The following SYNPO2L variants were observed in gnomAD, a reference collection of about 807,000 sequenced individuals.
SYNPO2L encodes the protein synaptopodin 2-like protein.
A neutral mutation model predicts 47.5 loss-of-function variants in SYNPO2L; 34 were observed. The observed-to-expected ratio is 0.72, with a 90% CI of 0.54 to 0.95. The LOEUF is 0.95. Ranked by LOEUF, SYNPO2L falls within the 40% of genes least tolerant of loss-of-function variation. SYNPO2L has a pLI of 0.00. For synonymous variants in SYNPO2L, 536 were observed against 524.9 expected, an observed-to-expected ratio of 1.02 and a Z score of -0.29; for missense variants, 1,246 against 1,282.0, an observed-to-expected ratio of 0.97 and a Z score of 0.43.
Position 73,654,295 on chromosome 10 carries a change from G to T in SYNPO2L, c.106-15C>A, listed in dbSNP as rs1243518137. The T allele has an allele frequency of 2.6e-6, 4 of 1,551,402 alleles. No homozygotes were observed. The highest frequency in any genetic ancestry group is 1.7e-4 in the Middle Eastern group (1 of 5,830). ...CGTCTTCGAATCTGAGATGTTGAAGGAGACACTGTAGGTAAGAGGGGGCTC... is the reference window on the plus strand; with the variant it reads ...CGTCTTCGAATCTGAGATGTTGAAGTAGACACTGTAGGTAAGAGGGGGCTC... On this transcript the variant is annotated splice_polypyrimidine_tract_variant and intron_variant, in intron 1 of 3. Transcript: ENST00000394810.
chr10:73,652,167 T>A (rs2132422539), intron 3 of SYNPO2L, among the ~76,000 whole-genome samples: 1 of 151,850 alleles, frequency 6.6e-6, no homozygotes, highest in South Asian at 2.1e-4. Flanking sequence ...ATTTATTTAT[T>A]TTTAAGACAG....
chr10:73,647,531 A>T lies in SYNPO2L; in HGVS notation c.2121T>A (p.Pro707=). The stretch of plus-strand genomic sequence containing the variant: ...GGGGCGGGGTCTTGGGAGCCATTGG[A>T]GGGGGGGTCTTAGGTGTCACGTGAG... ...TLPHVTPKTP[P]PMAPKTPPPM... is the part of the protein sequence containing the mutation. Residue 707 remains proline (P), a synonymous_variant, in exon 4 of 4, where the codon CCT becomes CCA. Coordinates refer to ENST00000394810, the MANE Select transcript of SYNPO2L (RefSeq NM_001114133.3). 1 of 1,580,338 alleles carries T rather than the reference A, an allele frequency of 6.3e-7. No individual in the cohort carries two copies. The highest frequency in any genetic ancestry group is 1.1e-5 in the South Asian group (1 of 88,234).
chr10:73,653,169 T>A lies in SYNPO2L; in HGVS notation c.742A>T (p.Thr248Ser). 6.9e-7 allele frequency: 1 copy of A among 1,454,036 alleles called. No individual in the cohort carries two copies. The highest frequency in any genetic ancestry group is 9.1e-7 in the Non-Finnish European group (1 of 1,098,590). The allele number at this position is 1,454,036 out of a possible 1,614,324, so 90.1% of individuals were successfully genotyped here. A position where few individuals can be genotyped will look rare whatever the true frequency, so the allele number is the denominator to read the frequency against. Residue 248 changes from threonine to serine, a missense_variant, in exon 3 of 4, where the codon ACC becomes TCC. Around this residue, in one of 3 missense-constraint regions of SYNPO2L, gnomAD observed 1,037 missense variants for 1,021.5 expected, o/e 1.02. Coordinates refer to ENST00000394810, the MANE Select transcript of SYNPO2L (RefSeq NM_001114133.3). ...VPHPVAEDLT[T>S]TYTQKAKQAK... is the part of the protein sequence containing the mutation. The stretch of plus-strand genomic sequence containing the variant: ...TGCTTGGCCTTCTGGGTGTAGGTGG[T>A]AGTAAGATCTTCTGCCACTGGGTGG...
At chr10:73,649,978 C>T (rs930533847) in intron 3 of SYNPO2L, 2 of 985,264 alleles carry the variant, frequency 2.0e-6, no homozygotes, top group Admixed American at 6.2e-5. Context: ...ACTGTCTCTA[C>T]GTAGAGAGCT....
rs1272170738 is a variant in SYNPO2L at position 73,654,236 on chromosome 10, C to T, written c.150G>A (p.Arg50=). Reference sequence around the variant, plus strand: ...CCCCATTGATTGCCAAGAGCTGGTCCCTCTCTCGGAGTCCTGCTCTGCCAG... The same window carrying T: ...CCCCATTGATTGCCAAGAGCTGGTCTCTCTCTCGGAGTCCTGCTCTGCCAG... ...SQAGRAGLRE[R]DQLLAINGVS... is the part of the protein sequence containing the mutation. Residue 50 remains arginine (R), a synonymous_variant, in exon 2 of 4, where the codon AGG becomes AGA. Coordinates refer to ENST00000394810, the MANE Select transcript of SYNPO2L (RefSeq NM_001114133.3). The T allele has an allele frequency of 1.9e-6, 3 of 1,551,466 alleles. No homozygotes were observed. Among genetic ancestry groups the T allele is most frequent in the Non-Finnish European group, 2.6e-6 (3 of 1,146,968 alleles).
chr10:73,655,862 GT>G lies in SYNPO2L; in HGVS notation c.60del (p.Leu21PhefsTer50). On this transcript the variant is annotated frameshift_variant, in exon 1 of 4. Coordinates refer to ENST00000394810, the MANE Select transcript of SYNPO2L (RefSeq NM_001114133.3). LOFTEE classifies it high-confidence loss of function. ...TTCCTCTGCTCGGCCCCCCCATGAA[GT>G]CGGAAGCCCCAGGGGGCTCCCCCTG... ...TLSGGAPWGFRLHGGAEQRKP... is the reference protein window; with the variant it reads ...TLSGGAPWGFXLHGGAEQRKP... 1 of 1,551,160 alleles carries G rather than the reference GT, an allele frequency of 6.4e-7. No homozygotes were observed.
rs547019950 is a variant in SYNPO2L, at chr10:73,646,087, G to T, written c.*631C>A. The T allele has an allele frequency of 1.0e-6, 1 of 985,232 alleles. No homozygotes were observed. Among genetic ancestry groups the T allele is most frequent in the African/African-American group, 1.7e-5 (1 of 57,328 alleles). 61.0% of individuals were successfully genotyped at this position (985,232 alleles called of 1,614,324 possible). On this transcript the variant is annotated 3_prime_UTR_variant, in exon 4 of 4. Transcript: ENST00000394810. ...GATCCGCCCGCCTCGGCCTCCCAAA[G>T]TGCTGGGATTACCGGCGTGAGCCAC...
chr10:73,653,213 G>A lies in SYNPO2L; in HGVS notation c.698C>T (p.Pro233Leu), dbSNP rs2081854297. Residue 233 changes from proline (P) to leucine (L), a missense_variant, in exon 3 of 4, where the codon CCT becomes CTT. Coordinates refer to ENST00000394810, the MANE Select transcript of SYNPO2L (RefSeq NM_001114133.3). The stretch of plus-strand genomic sequence containing the variant: ...TGGGTGGGGAACAGGCCCCACCATA[G>A]GGATGAGATGAGGACCAGGTCGGAG... Reference protein sequence around the residue: ...GPLRPGPHLIPMVGPVPHPVA... With the variant: ...GPLRPGPHLILMVGPVPHPVA... 6.7e-7 allele frequency: 1 copy of A among 1,495,914 alleles called. No individual in the cohort carries two copies. The highest frequency in any genetic ancestry group is 1.4e-5 in the African/African-American group (1 of 71,694). 92.7% of individuals were successfully genotyped at this position (1,495,914 alleles called of 1,614,324 possible). A position where few individuals can be genotyped will look rare whatever the true frequency, so the allele number is the denominator to read the frequency against.
chr10:73,645,143 G>A lies in SYNPO2L; in HGVS notation c.*1575C>T. ...CCCTACTCTTTCCCAGGCAGTCATGGCAAGCTGCAGAAGACACACTGAAGA... is the reference window on the plus strand; with the variant it reads ...CCCTACTCTTTCCCAGGCAGTCATGACAAGCTGCAGAAGACACACTGAAGA... On this transcript the variant is annotated 3_prime_UTR_variant, in exon 4 of 4. Coordinates refer to ENST00000394810, the MANE Select transcript of SYNPO2L (RefSeq NM_001114133.3). 8.3e-7 allele frequency: 1 copy of A among 1,209,918 alleles called. No homozygotes were observed. The highest frequency in any genetic ancestry group is 1.0e-6 in the Non-Finnish European group (1 of 953,666). 74.9% of individuals were successfully genotyped at this position (1,209,918 alleles called of 1,614,324 possible). A position where few individuals can be genotyped will look rare whatever the true frequency, so the allele number is the denominator to read the frequency against.
rs2081752739 is a variant in SYNPO2L at position 73,646,636 on chromosome 10, G to C, written c.*82C>G. The C allele has an allele frequency of 1.5e-6, 2 of 1,352,536 alleles. No individual in the cohort carries two copies. Among genetic ancestry groups the C allele is most frequent in the African/African-American group, 3.0e-5 (2 of 67,478 alleles). 83.8% of individuals were successfully genotyped at this position (1,352,536 alleles called of 1,614,324 possible). A position where few individuals can be genotyped will look rare whatever the true frequency, so the allele number is the denominator to read the frequency against. The stretch of plus-strand genomic sequence containing the variant: ...GAGGCAATTTAGCTTCCAGATGCGT[G>C]ACAGGGGATGGGATAGGGTAGGAGA... On this transcript the variant is annotated 3_prime_UTR_variant, in exon 4 of 4. Coordinates refer to ENST00000394810, the MANE Select transcript of SYNPO2L (RefSeq NM_001114133.3).
Position 73,654,253 on chromosome 10 carries a change from C to G in SYNPO2L, c.133G>C (p.Ala45Pro). 1 of 1,551,628 alleles carries G rather than the reference C, an allele frequency of 6.4e-7. No homozygotes were observed. The highest frequency in any genetic ancestry group is 8.7e-7 in the Non-Finnish European group (1 of 1,146,990). ...KIRRRSQAGR[A>P]GLRERDQLLA... ...AGCTGGTCCCTCTCTCGGAGTCCTG[C>G]TCTGCCAGCCTGGCTCCGTCTTCGA... The change falls in exon 2 of 4, where the codon GCA (alanine) becomes CCA (proline). Residue 45 changes from alanine to proline, a missense_variant. Transcript: ENST00000394810.
At chr10:73,651,985 G>T (rs111341658) in intron 3 of SYNPO2L, among the ~76,000 whole-genome samples, 1 of 136,842 alleles carries the variant, frequency 7.3e-6, no homozygotes, top group African/African-American at 2.7e-5. Context: ...TGAGGCAGGA[G>T]AATTGCTTGA....
Position 73,646,952 on chromosome 10 carries a change from T to C in SYNPO2L, c.2700A>G (p.Glu900=), listed in dbSNP as rs2081760274. ...FSTPAPQPTA[E]PLAPTVLAPR... The stretch of plus-strand genomic sequence containing the variant: ...GGGCAAGCACAGTGGGAGCCAGGGG[T>C]TCTGCAGTGGGCTGGGGTGCCGGAG... Residue 900 remains glutamate (E), a synonymous_variant, in exon 4 of 4, where the codon GAA becomes GAG. Coordinates refer to ENST00000394810, the MANE Select transcript of SYNPO2L (RefSeq NM_001114133.3). 1 of 1,605,290 alleles carries C rather than the reference T, an allele frequency of 6.2e-7. No homozygotes were observed. Among genetic ancestry groups the C allele is most frequent in the Non-Finnish European group, 8.5e-7 (1 of 1,174,816 alleles).
rs747830556 is a variant in SYNPO2L, at chr10:73,648,306, G to C, written c.1346C>G (p.Pro449Arg). Residue 449 changes from proline (P) to arginine (R), a missense_variant, in exon 4 of 4, where the codon CCC (proline) becomes CGC (arginine). By Grantham distance (103) the Pro-to-Arg change is moderately radical. Transcript: ENST00000394810. ...CGGGGCTCCACCACCTGGTTGGAAG[G>C]GTCTGGGGCTGGCTACAGGCGCCGG... ...PLPAPVASPR[P>R]FQPGGGAPTP... 53 of 1,604,588 alleles carry C rather than the reference G, an allele frequency of 3.3e-5. No individual in the cohort carries two copies. In the East Asian group the frequency reaches 1.2e-3, roughly 35 times the overall value.
intron 3 of SYNPO2L, chr10:73,650,821 C>T: frequency 7.0e-7 from 1 of 1,431,718 alleles, no homozygotes; most frequent in Non-Finnish European, 9.2e-7. Flanking sequence ...AGAGTAAGAC[C>T]TTTCCCAAAG....
chr10:73,650,670 C>T (rs2081833998), intron 3 of SYNPO2L: 1 of 984,928 alleles, frequency 1.0e-6, no homozygotes, highest in African/African-American at 1.7e-5. Context: ...TCATAATGTA[C>T]TCACACACGC....
rs1564992760 is a variant in SYNPO2L, at chr10:73,648,574, C to G, written c.1078G>C (p.Glu360Gln). 1 of 1,614,198 alleles carries G rather than the reference C, an allele frequency of 6.2e-7. No homozygotes were observed. The highest frequency in any genetic ancestry group is 8.5e-7 in the Non-Finnish European group (1 of 1,180,016). The change falls in exon 4 of 4, where the codon GAG becomes CAG. Residue 360 changes from glutamate (E) to glutamine (Q), a missense_variant. Transcript: ENST00000394810. Reference sequence around the variant, plus strand: ...GCTCTTGAGCCCGCCCTGGCAAGCTCCATGTCCAGATAGGGACTGTCCCAG... The same window carrying G: ...GCTCTTGAGCCCGCCCTGGCAAGCTGCATGTCCAGATAGGGACTGTCCCAG... ...SDWDSPYLDM[E>Q]LARAGSRASE...
intron 3 of SYNPO2L, chr10:73,650,363 C>A: frequency 1.5e-6 from 1 of 660,276 alleles, no homozygotes; most frequent in Non-Finnish European, 1.9e-6. Flanking sequence ...ATGGATGAGA[C>A]AACAGGCCCT....
intron 3 of SYNPO2L, chr10:73,650,580 A>G (rs2081833123): frequency 1.5e-6 from 1 of 662,828 alleles, no homozygotes; most frequent in Non-Finnish European, 1.9e-6. Context: ...TCTTGACACT[A>G]TACTTTCTTG....
Sources: allele counts gnomAD v4.1 joint callset (sites outside exome capture counted in the v4.1 genomes callset), GRCh38; gene constraint gnomAD v4.1.1; regional missense constraint gnomAD v4.1.1; transcripts MANE v1.5; gene names NCBI Gene and HGNC (gene_info 2026-07-23, HGNC 2026-07-21).